NALF1: variants seen among roughly 807,000 people sequenced by gnomAD.
NALF1 encodes NALCN channel auxiliary factor 1.
Under a neutral mutation model 48.4 loss-of-function variants are expected in NALF1, and 3 were observed. That is an observed-to-expected ratio of 0.06 (90% CI 0.03 to 0.16). The LOEUF (loss-of-function observed/expected upper bound fraction) is 0.16, where lower values mean the gene tolerates loss of function less well. Among genes scored for constraint, NALF1 ranks in the 10% least tolerant of loss-of-function variants. The pLI is 1.00. For synonymous variants in NALF1, 262 were observed against 245.7 expected (o/e 1.07, Z -0.62); for missense variants, 526 against 571.5 (o/e 0.92, Z 0.81).
intron 1 of NALF1, among the ~76,000 whole-genome samples, chr13:107,505,339 G>A (rs1488229436): frequency 6.6e-6 from 1 of 152,180 alleles, no homozygotes; most frequent in Non-Finnish European, 1.5e-5. Flanking sequence ...AAAGAAGAGT[G>A]GGTTTTATTC....
chr13:107,683,381 A>G (rs1462332618), intron 1 of NALF1, among the ~76,000 whole-genome samples: 1 of 152,234 alleles, frequency 6.6e-6, no homozygotes, highest in Admixed American at 6.5e-5. Context: ...GACACTGAAC[A>G]AATCTTCTGA....
chr13:107,812,592 T>G (rs1879029912), intron 1 of NALF1, among the ~76,000 whole-genome samples: 1 of 152,190 alleles, frequency 6.6e-6, no homozygotes, highest in African/African-American at 2.4e-5. Context: ...ACCCATAGAT[T>G]TATACAGAAC....
At chr13:107,263,021 T>C (rs1044788001) in intron 1 of NALF1, among the ~76,000 whole-genome samples, 1 of 152,130 alleles carries the variant, frequency 6.6e-6, no homozygotes, top group African/African-American at 2.4e-5. Context: ...GGACCTTTAA[T>C]GGGTAGCAAA....
At chr13:107,835,536 G>T (rs1000529743) in intron 1 of NALF1, 1 of 152,196 alleles carries the variant, frequency 6.6e-6, no homozygotes, top group Admixed American at 6.5e-5. Flanking sequence ...TTTGTCACTT[G>T]AGGCTTTTTT....
At chr13:107,206,098 T>C (rs1879633665) in intron 2 of NALF1, among the ~76,000 whole-genome samples, 1 of 152,120 alleles carries the variant, frequency 6.6e-6, no homozygotes, top group African/African-American at 2.4e-5. Context: ...AAATTTTAGC[T>C]CAATAATGCC....
Position 107,826,205 on chromosome 13 carries a change from T to C in NALF1, c.915+39477A>G, listed in dbSNP as rs74112658. On this transcript the variant is annotated intron_variant, in intron 1 of 2. Transcript: ENST00000375915. ...GAAAAGCAGAGAAAGAGACGGAACATTCATTTGAGATCCCTGAAAAGTGGT... is the reference window on the plus strand; with the variant it reads ...GAAAAGCAGAGAAAGAGACGGAACACTCATTTGAGATCCCTGAAAAGTGGT... Among the ~76,000 whole-genome samples the C allele has an allele frequency of 1.3e-4, 20 of 152,360 alleles. 1 individual carries two copies. The highest frequency in any genetic ancestry group is 6.8e-3 in the Middle Eastern group (2 of 294).
intron 1 of NALF1, among the ~76,000 whole-genome samples, chr13:107,317,181 A>C (rs967469956): frequency 1.3e-5 from 2 of 152,118 alleles, no homozygotes; most frequent in African/African-American, 4.8e-5. Flanking sequence ...AACGTAGCAA[A>C]ATGAAAGATT....
intron 1 of NALF1, among the ~76,000 whole-genome samples, chr13:107,219,886 T>C (rs916989986): frequency 6.6e-6 from 1 of 152,220 alleles, no homozygotes; most frequent in Non-Finnish European, 1.5e-5. Context: ...TGTGACATAA[T>C]AAACTATAGT....
chr13:107,863,429 T>A (rs554477753), intron 1 of NALF1, among the ~76,000 whole-genome samples: 9 of 152,120 alleles, frequency 5.9e-5, no homozygotes, highest in Non-Finnish European at 1.3e-4. Flanking sequence ...CACTTCAAAT[T>A]TGCAACTGTA....
Position 107,730,414 on chromosome 13 carries a change from G to A in NALF1, c.915+135268C>T, listed in dbSNP as rs1194457441. On this transcript the variant is annotated intron_variant, in intron 1 of 2. Transcript: ENST00000375915. ...TCCATTTTTCTGGTGACTGACATGAGTGGCTTAATTAAAAACAATATCTAA... is the reference window on the plus strand; with the variant it reads ...TCCATTTTTCTGGTGACTGACATGAATGGCTTAATTAAAAACAATATCTAA... Among the ~76,000 whole-genome samples the A allele has an allele frequency of 2.0e-5, 3 of 152,226 alleles. No individual in the cohort carries two copies. The East Asian group carries it at 5.8e-4, about 29-fold the overall frequency.
chr13:107,258,932 C>T (rs529953498), intron 1 of NALF1, among the ~76,000 whole-genome samples: 3 of 152,298 alleles, frequency 2.0e-5, no homozygotes, highest in African/African-American at 7.2e-5. Flanking sequence ...GGATGTGTGG[C>T]TCCCTATGAC....
At chr13:107,622,355 C>T (rs1345712927) in intron 1 of NALF1, among the ~76,000 whole-genome samples, 3 of 151,560 alleles carry the variant, frequency 2.0e-5, no homozygotes, top group Non-Finnish European at 4.4e-5. Flanking sequence ...GGAGGAGAAT[C>T]GCTTGAACCT....
intron 1 of NALF1, among the ~76,000 whole-genome samples, chr13:107,600,808 C>G (rs574491184): frequency 1.3e-5 from 2 of 152,274 alleles, no homozygotes; most frequent in African/African-American, 4.8e-5. Context: ...ATATTCCTGA[C>G]ACTTAACTTG....
At chr13:107,172,905 CA>C (rs748309389) in intron 2 of NALF1, among the ~76,000 whole-genome samples, 1 of 152,142 alleles carries the variant, frequency 6.6e-6, no homozygotes, top group Non-Finnish European at 1.5e-5. Flanking sequence ...AAAATGGAAG[CA>C]GTTCATTCAG....
chr13:107,269,159 C>G (rs1399687371), intron 1 of NALF1, among the ~76,000 whole-genome samples: 1 of 141,628 alleles, frequency 7.1e-6, no homozygotes, highest in Non-Finnish European at 1.6e-5. Flanking sequence ...GAGACCCTGT[C>G]TATGTTTAAA....
At chr13:107,415,762 C>A (rs1054932696) in intron 1 of NALF1, among the ~76,000 whole-genome samples, 6 of 152,142 alleles carry the variant, frequency 3.9e-5, no homozygotes, top group Admixed American at 1.3e-4. Context: ...TTAAAGTTAT[C>A]TATCACGTTC....
chr13:107,707,925 A>C (rs2138516672), intron 1 of NALF1, among the ~76,000 whole-genome samples: 1 of 152,248 alleles, frequency 6.6e-6, no homozygotes, highest in Middle Eastern at 3.4e-3. Context: ...AAAAAGACAC[A>C]CAGTGATCTC....
intron 1 of NALF1, among the ~76,000 whole-genome samples, chr13:107,458,337 C>T (rs1362129934): frequency 6.6e-6 from 1 of 152,156 alleles, no homozygotes; most frequent in Non-Finnish European, 1.5e-5. Context: ...AGATAATGGG[C>T]CCCCACTCAA....
chr13:107,200,964 G>A (rs555727226), intron 2 of NALF1, among the ~76,000 whole-genome samples: 9 of 152,162 alleles, frequency 5.9e-5, no homozygotes, highest in Non-Finnish European at 1.2e-4. Context: ...TGCGGGGCCA[G>A]GGGGACCGAG....
Sources: gnomAD v4.1 joint callset for allele counts (sites outside exome capture counted in the v4.1 genomes callset) on GRCh38, gnomAD v4.1.1 for gene constraint, MANE v1.5 for transcripts, NCBI Gene and HGNC (gene_info 2026-07-23, HGNC 2026-07-21) for gene names.